NCKAP5: variants seen among roughly 807,000 people sequenced by gnomAD.
NCKAP5 encodes the protein NCK associated protein 5.
A neutral mutation model predicts 167.0 loss-of-function variants in NCKAP5; 92 were observed. The observed-to-expected ratio is 0.55, with a 90% CI of 0.47 to 0.66. NCKAP5 has a LOEUF of 0.66. NCKAP5 is among the 30% of genes least tolerant of loss of function. NCKAP5 has a pLI of 0.00. For missense variants in NCKAP5, 2,378 were observed against 2,315.0 expected (o/e 1.03, Z -0.56); for synonymous variants, 891 against 877.4 (o/e 1.02, Z -0.27).
intron 5 of NCKAP5, among the ~76,000 whole-genome samples, chr2:133,186,102 A>T (rs1193958882): frequency 6.6e-6 from 1 of 152,138 alleles, no homozygotes; most frequent in East Asian, 1.9e-4. Flanking sequence ...TAGGTTTGTC[A>T]TAAATGGCTC....
chr2:133,315,366 T>A (rs2150636992), intron 3 of NCKAP5, among the ~76,000 whole-genome samples: 1 of 152,226 alleles, frequency 6.6e-6, no homozygotes, highest in East Asian at 1.9e-4. Flanking sequence ...AAGATAATAT[T>A]TGATTTGGGG....
In NCKAP5 at chr2:133,360,526, G is replaced by A. The variant is rs374277321; in HGVS notation, c.70-57416C>T. 5.3e-5 allele frequency among the ~76,000 whole-genome samples: 8 copies of A among 152,278 alleles called. No individual in the cohort carries two copies. In the South Asian group the frequency reaches 1.7e-3, roughly 32 times the overall value. On this transcript the variant is annotated intron_variant, in intron 3 of 19. Transcript: ENST00000409261. The stretch of plus-strand genomic sequence containing the variant: ...GATGCTCTGGAAGAGGAAGATCATA[G>A]TCAGTGTTTGCGTGACAAAGGACTC...
At position 132,860,501 on chromosome 2, in the gene NCKAP5, C is replaced by T; in HGVS notation, c.798G>A (p.Leu266=). 1 of 1,573,910 alleles carries T rather than the reference C, an allele frequency of 6.4e-7. No homozygotes were observed. Among genetic ancestry groups the T allele is most frequent in the Non-Finnish European group, 8.6e-7 (1 of 1,157,386 alleles). Residue 266 remains leucine (L), a synonymous_variant, in exon 11 of 20, where the codon CTG becomes CTA. Coordinates refer to ENST00000409261, the MANE Select transcript of NCKAP5 (RefSeq NM_207363.3). ...FQQRVRPTSD[L]LLQKLHSRLL... ...CCAGATAAACACATACCTGGAGGAG[C>T]AGATCAGAAGTGGGTCTGACTCGCT...
intron 16 of NCKAP5, among the ~76,000 whole-genome samples, chr2:132,768,671 GCT>G (rs1558743753): frequency 7.5e-6 from 1 of 132,554 alleles, no homozygotes; most frequent in African/African-American, 2.9e-5. Context: ...ACGGAGTCTC[GCT>G]CTGTCACCCA....
At chr2:132,739,134 G>A (rs1037747738) in intron 16 of NCKAP5, among the ~76,000 whole-genome samples, 1 of 152,142 alleles carries the variant, frequency 6.6e-6, no homozygotes, top group Admixed American at 6.5e-5. Flanking sequence ...ATTTCCAAGT[G>A]AGTAGGATAT....
chr2:133,528,648 G>A (rs1037340301), intron 2 of NCKAP5, among the ~76,000 whole-genome samples: 1 of 152,202 alleles, frequency 6.6e-6, no homozygotes, highest in Non-Finnish European at 1.5e-5. Context: ...TGCACAGCCA[G>A]CCAGTTCTTA....
intron 9 of NCKAP5, among the ~76,000 whole-genome samples, chr2:132,871,923 AGTTT>A (rs140080157): frequency 0.03 from 4,619 of 152,224 alleles, 229 homozygotes; most frequent in East Asian, 0.13. Context: ...AGCTGTTTGG[AGTTT>A]GTGCCTGCAA....
chr2:132,790,841 T>A (rs895756374), intron 12 of NCKAP5, among the ~76,000 whole-genome samples: 2 of 152,206 alleles, frequency 1.3e-5, no homozygotes, highest in African/African-American at 2.4e-5. Context: ...CTCTAGTAGG[T>A]GCTCAATTAT....
chr2:133,079,721 T>C (rs2080738762), intron 6 of NCKAP5, among the ~76,000 whole-genome samples: 1 of 152,196 alleles, frequency 6.6e-6, no homozygotes, highest in African/African-American at 2.4e-5. Context: ...ATTGTAATGT[T>C]CTTTCATCTA....
At chr2:133,613,439 C>A in the NCKAP5 span, among the ~76,000 whole-genome samples, 1 of 152,218 alleles carries the variant, frequency 6.6e-6, no homozygotes, top group Non-Finnish European at 1.5e-5. Flanking sequence ...GTTGCAATAA[C>A]AGTAGCTAAG....
intron 8 of NCKAP5, among the ~76,000 whole-genome samples, chr2:132,935,044 A>G (rs1194909318): frequency 6.6e-6 from 1 of 152,212 alleles, no homozygotes; most frequent in Non-Finnish European, 1.5e-5. Context: ...CCCAGCTACA[A>G]GAGATTGGTT....
intron 11 of NCKAP5, among the ~76,000 whole-genome samples, chr2:132,854,819 G>A (rs576647519): frequency 1.3e-5 from 2 of 152,312 alleles, no homozygotes; most frequent in Admixed American, 1.3e-4. Context: ...GGAGTGGCAG[G>A]GGTGGGGTGG....
intron 3 of NCKAP5, among the ~76,000 whole-genome samples, chr2:133,487,737 A>G (rs1162292139): frequency 6.6e-6 from 1 of 152,176 alleles, no homozygotes; most frequent in Admixed American, 6.5e-5. Context: ...ATCCTAGAAT[A>G]GCTGCCTGAG....
chr2:133,669,808 C>T, the NCKAP5 span, among the ~76,000 whole-genome samples: 11 of 152,294 alleles, frequency 7.2e-5, no homozygotes, highest in African/African-American at 2.6e-4. Flanking sequence ...CTCTTCATCC[C>T]TGCAGAATTA....
At chr2:133,343,200 T>C (rs1683713584) in intron 3 of NCKAP5, among the ~76,000 whole-genome samples, 2 of 152,222 alleles carry the variant, frequency 1.3e-5, no homozygotes, top group South Asian at 2.1e-4. Flanking sequence ...ATTAAACTTA[T>C]CATGTTATGT....
intron 6 of NCKAP5, among the ~76,000 whole-genome samples, chr2:133,043,980 C>T (rs2079302176): frequency 6.6e-6 from 1 of 151,786 alleles, no homozygotes; most frequent in African/African-American, 2.4e-5. Context: ...TATTAAATCT[C>T]ATTAAGGATT....
At chr2:133,205,839 T>C (rs912861436) in intron 5 of NCKAP5, among the ~76,000 whole-genome samples, 7 of 152,166 alleles carry the variant, frequency 4.6e-5, no homozygotes, top group African/African-American at 1.7e-4. Context: ...TATTCCTATA[T>C]GCCTTTTTTA....
chr2:133,462,258 G>A (rs369964017), intron 3 of NCKAP5, among the ~76,000 whole-genome samples: 3 of 152,124 alleles, frequency 2.0e-5, no homozygotes, highest in East Asian at 3.9e-4. Flanking sequence ...ATTGGGCTCT[G>A]ATCTTTACCT....
intron 2 of NCKAP5, among the ~76,000 whole-genome samples, chr2:133,534,233 T>A (rs1169502126): frequency 6.6e-6 from 1 of 152,162 alleles, no homozygotes; most frequent in East Asian, 1.9e-4. Flanking sequence ...AAGTAAGCAA[T>A]CTCTAAGATC....
Sources: allele counts gnomAD v4.1 joint callset (sites outside exome capture counted in the v4.1 genomes callset), GRCh38; gene constraint gnomAD v4.1.1; transcripts MANE v1.5; gene names NCBI Gene and HGNC (gene_info 2026-07-23, HGNC 2026-07-21).